The following SAMSN1 variants were observed in gnomAD, a reference collection of about 807,000 sequenced individuals.
SAMSN1 encodes SAM domain, SH3 domain and nuclear localization signals 1.
In SAMSN1, 31 loss-of-function variants were observed where a neutral mutation model predicts 42.0. That is an observed-to-expected ratio of 0.74 (90% CI 0.55 to 1.00). SAMSN1 has a LOEUF of 1.00. Ranked by LOEUF, SAMSN1 falls within the 50% of genes least tolerant of loss-of-function variation. The probability of loss-of-function intolerance (pLI) is 0.00; values close to 1 mark genes in which losing one functional copy is unlikely to be tolerated. For missense variants in SAMSN1, 464 were observed against 439.4 expected (o/e 1.06, Z -0.50); for synonymous variants, 178 against 151.9 (o/e 1.17, Z -1.26).
At chr21:14,606,932 A>G (rs1215993062) in intron 5 of SAMSN1, among the ~76,000 whole-genome samples, 8 of 152,218 alleles carry the variant, frequency 5.3e-5, no homozygotes, top group Middle Eastern at 3.2e-3. Context: ...TTTTTTCATC[A>G]GGTCCCAATA....
rs141018362 is a variant in SAMSN1 at position 14,566,701 on chromosome 21, C to T, written c.261+15435G>A. Reference sequence around the variant, plus strand: ...TACAGGTGTGCACCAACATGCCTTGCTAATTTTTGTATTTTTAGTACAGAT... The same window carrying T: ...TACAGGTGTGCACCAACATGCCTTGTTAATTTTTGTATTTTTAGTACAGAT... On this transcript the variant is annotated intron_variant, in intron 2 of 8. Coordinates refer to the SAMSN1 transcript ENST00000285670. Among the ~76,000 whole-genome samples, 395 of 152,166 alleles carry T rather than the reference C, an allele frequency of 2.6e-3. 1 individual carries two copies. Among genetic ancestry groups the T allele is most frequent in the Non-Finnish European group, 4.6e-3 (311 of 68,000 alleles).
chr21:14,639,260 T>C (rs974985599), intron 2 of SAMSN1, among the ~76,000 whole-genome samples: 2 of 152,172 alleles, frequency 1.3e-5, no homozygotes, highest in African/African-American at 2.4e-5. Flanking sequence ...TACCTGAGAC[T>C]GGGTAATTTA....
chr21:14,489,806 G>A (rs1264310141), intron 7 of SAMSN1, among the ~76,000 whole-genome samples: 1 of 152,074 alleles, frequency 6.6e-6, no homozygotes, highest in Non-Finnish European at 1.5e-5. Flanking sequence ...AACATTTTAA[G>A]ATAGTTATCA....
At chr21:14,647,573 G>A (rs1407402762) in intron 1 of SAMSN1, among the ~76,000 whole-genome samples, 2 of 143,930 alleles carry the variant, frequency 1.4e-5, no homozygotes, top group East Asian at 4.0e-4. Context: ...AAATTACCTT[G>A]GGCAGTATGG....
chr21:14,541,806 A>G (rs935581266), intron 1 of SAMSN1, among the ~76,000 whole-genome samples: 1 of 152,142 alleles, frequency 6.6e-6, no homozygotes, highest in Non-Finnish European at 1.5e-5. Flanking sequence ...AGCCTGGACA[A>G]TCTAGCAAAA....
intron 7 of SAMSN1, among the ~76,000 whole-genome samples, chr21:14,494,003 G>T (rs1986804793): frequency 6.6e-6 from 1 of 152,062 alleles, no homozygotes; most frequent in African/African-American, 2.4e-5. Flanking sequence ...ACCAAGCAGT[G>T]ACCTAGATAC....
intron 4 of SAMSN1, among the ~76,000 whole-genome samples, chr21:14,611,937 TA>T (rs1311977721): frequency 1.3e-5 from 2 of 151,862 alleles, no homozygotes; most frequent in African/African-American, 2.4e-5. Flanking sequence ...CACACTACAT[TA>T]AAAAAAATTA....
rs1435825696 is a variant in SAMSN1, at chr21:14,524,069, G to T, written c.58-2848C>A. Among the ~76,000 whole-genome samples the T allele has an allele frequency of 2.0e-5, 3 of 152,234 alleles. No homozygotes were observed. The East Asian group carries it at 5.8e-4, about 29-fold the overall frequency. On this transcript the variant is annotated intron_variant, in intron 1 of 7. Transcript: ENST00000400566. ...TTGTTCATTATTCTCTAGTTTAAAA[G>T]TTAGTAACTAACTTTCTCAGATGGT...
At position 14,512,428 on chromosome 21, in the gene SAMSN1, G is replaced by T. The variant is rs57285749; in HGVS notation, c.409+16C>A. Reference sequence around the variant, plus strand: ...ACCTCACACCCAGGATCTTGTCCCTGATTCATTAGCCTTACTTGATGAGCT... The same window carrying T: ...ACCTCACACCCAGGATCTTGTCCCTTATTCATTAGCCTTACTTGATGAGCT... On this transcript the variant is annotated intron_variant, in intron 4 of 7. Coordinates refer to ENST00000400566, the MANE Select transcript of SAMSN1 (RefSeq NM_022136.5). 319 of 1,612,234 alleles carry T rather than the reference G, an allele frequency of 2.0e-4. 2 individuals carry two copies. In the East Asian group the frequency reaches 4.0e-3, roughly 20 times the overall value.
In SAMSN1 at chr21:14,618,704, A is replaced by G. The variant is rs200581029; in HGVS notation, c.157-2688T>C. On this transcript the variant is annotated intron_variant, in intron 2 of 15. Transcript: ENST00000647101. ...TGTGTGTGTGTGTGCGCGCGCGCGC[A>G]CGCGCGTGTGTGTGTGTGTGTGTTC... Among the ~76,000 whole-genome samples, 841 of 86,998 alleles carry G rather than the reference A, an allele frequency of 9.7e-3. 5 individuals are homozygous for G. The highest frequency in any genetic ancestry group is 0.043 in the African/African-American group (593 of 13,700). 57.1% of individuals were successfully genotyped at this position (86,998 alleles called of 152,430 possible).
chr21:14,654,465 G>A (rs996014319), intron 1 of SAMSN1, among the ~76,000 whole-genome samples: 1 of 151,990 alleles, frequency 6.6e-6, no homozygotes. Flanking sequence ...TCCCAAAACA[G>A]ACAGCATTGG....
At chr21:14,598,690 G>T (rs1054906798) in intron 6 of SAMSN1, among the ~76,000 whole-genome samples, 1 of 152,146 alleles carries the variant, frequency 6.6e-6, no homozygotes, top group African/African-American at 2.4e-5. Context: ...CTTCCATTTT[G>T]AGAACATGAA....
At chr21:14,643,090 T>C (rs776584106) in exon 2 of SAMSN1, 14 of 717,220 alleles carry the variant, frequency 2.0e-5, no homozygotes, top group Non-Finnish European at 3.6e-5. Flanking sequence ...TTGGTTAGCT[T>C]GTTGCTCTGG....
chr21:14,591,205 A>G (rs921203669), intron 7 of SAMSN1: 4 of 152,192 alleles, frequency 2.6e-5, no homozygotes, highest in Admixed American at 2.6e-4. Flanking sequence ...GAAAAACACA[A>G]TAAAGCTAGG....
intron 7 of SAMSN1, among the ~76,000 whole-genome samples, chr21:14,491,013 A>G (rs1986661958): frequency 6.6e-6 from 1 of 152,034 alleles, no homozygotes; most frequent in South Asian, 2.1e-4. Context: ...GGAAATATTT[A>G]CCCTCCTCAG....
chr21:14,490,980 C>T (rs753862148), intron 7 of SAMSN1, among the ~76,000 whole-genome samples: 2 of 152,212 alleles, frequency 1.3e-5, no homozygotes, highest in East Asian at 3.8e-4. Context: ...CAACCATACA[C>T]CATATGGAGG....
chr21:14,562,132 A>G (rs151052401), intron 2 of SAMSN1, among the ~76,000 whole-genome samples: 15 of 152,210 alleles, frequency 9.9e-5, no homozygotes, highest in African/African-American at 3.6e-4. Flanking sequence ...ATACATTTAC[A>G]TGGGGTGGGG....
At chr21:14,547,506 C>CA (rs1248687386), upstream of SAMSN1, among the ~76,000 whole-genome samples, 10 of 152,108 alleles carry the variant, frequency 6.6e-5, no homozygotes, top group Admixed American at 5.9e-4. Context: ...GGGAGATTTG[C>CA]AAAATATATG....
chr21:14,630,385 C>T (rs74376953), intron 2 of SAMSN1, among the ~76,000 whole-genome samples: 2 of 142,222 alleles, frequency 1.4e-5, no homozygotes, highest in Non-Finnish European at 3.1e-5. Context: ...TGCTTTACAG[C>T]TTTTTTTTTT....
Sources: gnomAD v4.1 joint callset for allele counts (sites outside exome capture counted in the v4.1 genomes callset) on GRCh38, gnomAD v4.1.1 for gene constraint, MANE v1.5 for transcripts, NCBI Gene and HGNC (gene_info 2026-07-23, HGNC 2026-07-21) for gene names.